The following GNG2 variants were observed in gnomAD, a reference collection of about 807,000 sequenced individuals.
GNG2 encodes G protein subunit gamma 2.
Under a neutral mutation model 5.5 loss-of-function variants are expected in GNG2, and 5 were observed. That is an observed-to-expected ratio of 0.91 (90% CI 0.48 to 1.92). GNG2 has a LOEUF of 1.92. Among genes scored for constraint, GNG2 ranks in the 30% most tolerant of loss-of-function variants. The probability of loss-of-function intolerance (pLI) is 0.01; values close to 1 mark genes in which losing one functional copy is unlikely to be tolerated. For synonymous variants in GNG2, 28 were observed against 32.0 expected (o/e 0.88, Z 0.42); for missense variants, 55 against 88.4 (o/e 0.62, Z 1.52).
intron 1 of GNG2, among the ~76,000 whole-genome samples, chr14:51,864,330 T>C (rs762153607): frequency 2.0e-5 from 3 of 152,230 alleles, no homozygotes; most frequent in Non-Finnish European, 4.4e-5. Context: ...AAATGTCTAT[T>C]CATATTCCTT....
upstream of GNG2, among the ~76,000 whole-genome samples, chr14:51,855,497 T>C (rs1054704262): frequency 6.6e-6 from 1 of 152,234 alleles, no homozygotes; most frequent in African/African-American, 2.4e-5. Flanking sequence ...TTATATCTTT[T>C]TGAAGAACTC....
chr14:51,893,681 G>A (rs1288576553), intron 2 of GNG2, among the ~76,000 whole-genome samples: 2 of 151,616 alleles, frequency 1.3e-5, no homozygotes, highest in African/African-American at 4.8e-5. Context: ...TCTATCCAAG[G>A]TAATATAAAT....
intron 1 of GNG2, among the ~76,000 whole-genome samples, chr14:51,863,399 G>A (rs1218079475): frequency 6.6e-6 from 1 of 152,162 alleles, no homozygotes; most frequent in Admixed American, 6.5e-5. Context: ...GGATAAGTGA[G>A]TGATTTCTAC....
intron 1 of GNG2, among the ~76,000 whole-genome samples, chr14:51,871,534 A>G (rs1259884769): frequency 6.6e-6 from 1 of 152,216 alleles, no homozygotes; most frequent in African/African-American, 2.4e-5. Flanking sequence ...AAATAAGATA[A>G]TATCTACTTC....
At chr14:51,929,021 C>T (rs761552777) in intron 2 of GNG2, among the ~76,000 whole-genome samples, 2 of 152,272 alleles carry the variant, frequency 1.3e-5, no homozygotes, top group Admixed American at 6.5e-5. Context: ...TCTGTTCTGT[C>T]GTTTATCTAT....
At chr14:51,889,109 C>CCTTTTTTTTTTTTTTTTTT (rs1445313036) in intron 2 of GNG2, among the ~76,000 whole-genome samples, 1 of 118,938 alleles carries the variant, frequency 8.4e-6, no homozygotes. Context: ...TGGGTTTGCG[C>CCTTTTTTTTTTTTTTTTTT]TTTTTTTTTT....
chr14:51,835,120 G>T (rs1259983704), intron 2 of GNG2, among the ~76,000 whole-genome samples: 1 of 152,192 alleles, frequency 6.6e-6, no homozygotes, highest in Admixed American at 6.5e-5. Context: ...ACAAAAGAAA[G>T]CTTCTAGGTT....
intron 2 of GNG2, among the ~76,000 whole-genome samples, chr14:51,840,964 G>A (rs1305978790): frequency 6.6e-6 from 1 of 152,134 alleles, no homozygotes; most frequent in Non-Finnish European, 1.5e-5. Flanking sequence ...TAGATTAATT[G>A]GAGTCTTCAC....
chr14:51,873,429 A>G (rs967005247), intron 1 of GNG2, among the ~76,000 whole-genome samples: 1 of 152,264 alleles, frequency 6.6e-6, no homozygotes, highest in East Asian at 1.9e-4. Flanking sequence ...AGCTTTGACT[A>G]TTAGCTTCAA....
At chr14:51,940,190 G>A (rs1888234759) in intron 2 of GNG2, 1 of 152,226 alleles carries the variant, frequency 6.6e-6, no homozygotes, top group Non-Finnish European at 1.5e-5. Flanking sequence ...TGGGGACGGA[G>A]TGGGGAGGCA....
chr14:51,966,748 T>A lies in GNG2; in HGVS notation c.*61T>A. The A allele has an allele frequency of 6.9e-7, 1 of 1,444,474 alleles. No individual in the cohort carries two copies. Among genetic ancestry groups the A allele is most frequent in the South Asian group, 1.1e-5 (1 of 87,532 alleles). 89.5% of individuals were successfully genotyped at this position (1,444,474 alleles called of 1,614,324 possible). A position where few individuals can be genotyped will look rare whatever the true frequency, so the allele number is the denominator to read the frequency against. ...TGGGACATTGATGTAGAGTTTTTAGTGAAGTGGGCACCTTTCTAGTCCACG... is the reference window on the plus strand; with the variant it reads ...TGGGACATTGATGTAGAGTTTTTAGAGAAGTGGGCACCTTTCTAGTCCACG... On this transcript the variant is annotated 3_prime_UTR_variant, in exon 4 of 4. Coordinates refer to ENST00000556766, the MANE Select transcript of GNG2 (RefSeq NM_053064.5).
intron 3 of GNG2, among the ~76,000 whole-genome samples, chr14:51,961,008 T>C (rs1450405081): frequency 1.3e-5 from 2 of 152,166 alleles, no homozygotes; most frequent in Non-Finnish European, 2.9e-5. Context: ...TCTTCTCTGC[T>C]ATTCTCTCCT....
intron 2 of GNG2, among the ~76,000 whole-genome samples, chr14:51,840,922 C>T (rs1413432339): frequency 6.6e-6 from 1 of 152,164 alleles, no homozygotes; most frequent in African/African-American, 2.4e-5. Context: ...TATAATGCTA[C>T]AACAATGTAC....
intron 3 of GNG2, among the ~76,000 whole-genome samples, chr14:51,955,517 C>A (rs1176042886): frequency 2.0e-5 from 3 of 152,168 alleles, no homozygotes; most frequent in Admixed American, 6.5e-5. Flanking sequence ...CTGGGGTACA[C>A]AAGCATTTTG....
intron 2 of GNG2, among the ~76,000 whole-genome samples, chr14:51,930,593 G>A (rs576675909): frequency 1.3e-3 from 192 of 152,314 alleles, no homozygotes; most frequent in African/African-American, 4.5e-3. Context: ...AAAACAGAAA[G>A]ATACAATATG....
chr14:51,843,562 C>T (rs1043895345), intron 2 of GNG2, among the ~76,000 whole-genome samples: 14 of 128,428 alleles, frequency 1.1e-4, no homozygotes, highest in African/African-American at 4.0e-4. Flanking sequence ...GCACACGCAT[C>T]CCAGAACTTA....
chr14:51,924,546 G>T (rs1887200243), intron 2 of GNG2, among the ~76,000 whole-genome samples: 1 of 152,198 alleles, frequency 6.6e-6, no homozygotes, highest in Admixed American at 6.5e-5. Context: ...GGAAGAGGAA[G>T]AGAGTCAATG....
chr14:51,837,294 T>G (rs1881358327), intron 2 of GNG2, among the ~76,000 whole-genome samples: 1 of 152,194 alleles, frequency 6.6e-6, no homozygotes, highest in African/African-American at 2.4e-5. Context: ...AAGCTAAAGT[T>G]TATCAAACAC....
In GNG2 at chr14:51,851,429, C is replaced by T. The variant is rs139258891; in HGVS notation, c.64+23622C>T. 2.0e-4 allele frequency among the ~76,000 whole-genome samples: 30 copies of T among 152,276 alleles called. No homozygotes were observed. The East Asian group carries it at 5.6e-3, about 28-fold the overall frequency. On this transcript the variant is annotated intron_variant, in intron 2 of 3. Coordinates refer to the GNG2 transcript ENST00000553432. ...TCTTATACTAAGAGTACATACTAAC[C>T]TCATCATTTACTTATATCATAAATG... is the stretch of plus-strand genomic sequence containing the variant.
Sources: gnomAD v4.1 joint callset for allele counts (sites outside exome capture counted in the v4.1 genomes callset) on GRCh38, gnomAD v4.1.1 for gene constraint, MANE v1.5 for transcripts, NCBI Gene and HGNC (gene_info 2026-07-23, HGNC 2026-07-21) for gene names.